The following FGF2 variants were observed in gnomAD, a reference collection of about 807,000 sequenced individuals.
FGF2 encodes the protein fibroblast growth factor 2.
FGF2 carries 13 observed loss-of-function variants against 15.9 expected under a neutral mutation model. That is an observed-to-expected ratio of 0.82 (90% confidence interval 0.53 to 1.30). The LOEUF is 1.30. Ranked by LOEUF, FGF2 falls within the 50% of genes most tolerant of loss-of-function variation. The pLI is 0.00. For synonymous variants in FGF2, 90 were observed against 78.4 expected, an observed-to-expected ratio of 1.15 and a Z score of -0.78; for missense variants, 163 against 196.9, an observed-to-expected ratio of 0.83 and a Z score of 1.03.
intron 1 of FGF2, among the ~76,000 whole-genome samples, chr4:122,858,141 T>C (rs913498663): frequency 6.6e-6 from 1 of 152,214 alleles, no homozygotes; most frequent in African/African-American, 2.4e-5. Flanking sequence ...GTGTCTAATG[T>C]TCTTATTTAT....
chr4:122,869,317 G>A (rs1726674509), intron 1 of FGF2, among the ~76,000 whole-genome samples: 1 of 152,098 alleles, frequency 6.6e-6, no homozygotes, highest in African/African-American at 2.4e-5. Flanking sequence ...TTGGCTATAC[G>A]GGGTCTTCTT....
Position 122,892,838 on chromosome 4 carries a change from C to T in FGF2, c.*442C>T. 1 of 1,597,312 alleles carries T rather than the reference C, an allele frequency of 6.3e-7. No homozygotes were observed. Among genetic ancestry groups the T allele is most frequent in the Non-Finnish European group, 8.5e-7 (1 of 1,170,042 alleles). ...CATATAAATGTGAATTTAATCAATT[C>T]CTTTCATAGTTTTATAATTCTCTGG... On this transcript the variant is annotated 3_prime_UTR_variant, in exon 3 of 3. Coordinates refer to ENST00000644866, the MANE Select transcript of FGF2 (RefSeq NM_001361665.2).
intron 1 of FGF2, among the ~76,000 whole-genome samples, chr4:122,853,793 A>G (rs1302496072): frequency 1.3e-5 from 2 of 152,242 alleles, no homozygotes; most frequent in African/African-American, 4.8e-5. Context: ...CTGGATGAAG[A>G]ATATAAGCAA....
At chr4:122,844,569 C>T (rs202177749) in intron 1 of FGF2, among the ~76,000 whole-genome samples, 2,197 of 128,512 alleles carry the variant, frequency 0.017, 56 homozygotes, top group Admixed American at 0.063. Flanking sequence ...TTCTTTCTTT[C>T]TTTTTCTTTC....
At chr4:122,842,362 T>C (rs1726006854) in intron 1 of FGF2, among the ~76,000 whole-genome samples, 1 of 152,236 alleles carries the variant, frequency 6.6e-6, no homozygotes, top group Non-Finnish European at 1.5e-5. Flanking sequence ...TGTCAGATTC[T>C]CAAAAGGTTA....
intron 1 of FGF2, among the ~76,000 whole-genome samples, chr4:122,854,976 G>A (rs911251822): frequency 6.6e-6 from 1 of 152,038 alleles, no homozygotes; most frequent in Non-Finnish European, 1.5e-5. Flanking sequence ...TTCCCCCAAA[G>A]CTCCTCCTCC....
intron 1 of FGF2, among the ~76,000 whole-genome samples, chr4:122,831,043 C>A (rs1027893310): frequency 6.6e-6 from 1 of 152,078 alleles, no homozygotes; most frequent in Admixed American, 6.6e-5. Context: ...CCATGCAACC[C>A]CAAGCATAAA....
chr4:122,861,457 G>A (rs1038671980), intron 1 of FGF2, among the ~76,000 whole-genome samples: 3 of 152,066 alleles, frequency 2.0e-5, no homozygotes, highest in African/African-American at 7.2e-5. Flanking sequence ...ACCTATTTCT[G>A]AACTATTTGC....
chr4:122,885,336 A>G (rs1330760207), intron 2 of FGF2, among the ~76,000 whole-genome samples: 2 of 152,254 alleles, frequency 1.3e-5, no homozygotes, highest in African/African-American at 4.8e-5. Context: ...GAATAGATGA[A>G]TATCTTCACA....
chr4:122,876,108 G>T (rs1034957443), intron 1 of FGF2, among the ~76,000 whole-genome samples: 1 of 152,070 alleles, frequency 6.6e-6, no homozygotes, highest in Non-Finnish European at 1.5e-5. Context: ...AACTCACAAG[G>T]CACTGGTGCC....
chr4:122,865,174 A>G (rs1726546549), intron 1 of FGF2, among the ~76,000 whole-genome samples: 1 of 152,228 alleles, frequency 6.6e-6, no homozygotes, highest in Non-Finnish European at 1.5e-5. Flanking sequence ...ATCTAATACA[A>G]ATATTTAAAG....
rs1343056085 is a variant in FGF2 at position 122,894,622 on chromosome 4, T to C, written c.*2226T>C. The C allele has an allele frequency of 1.3e-5, 2 of 151,718 alleles. No individual in the cohort carries two copies. Among genetic ancestry groups the C allele is most frequent in the Non-Finnish European group, 2.9e-5 (2 of 68,018 alleles). 9.4% of individuals were successfully genotyped at this position (151,718 alleles called of 1,614,324 possible). On this transcript the variant is annotated 3_prime_UTR_variant, in exon 3 of 3. Transcript: ENST00000644866. ...AAATTTTCCTTAATAAGAAAAGTAA[T>C]TTTTACTCTGATGTGCAATACATTT...
chr4:122,881,620 G>A (rs113201511), intron 2 of FGF2, among the ~76,000 whole-genome samples: 4,348 of 152,232 alleles, frequency 0.029, 86 homozygotes, highest in Non-Finnish European at 0.047. Context: ...TCCTCAGCCT[G>A]GATTTCATTG....
At chr4:122,871,906 G>A (rs1161588194) in intron 1 of FGF2, among the ~76,000 whole-genome samples, 1 of 15,208 alleles carries the variant, frequency 6.6e-5, no homozygotes, top group Non-Finnish European at 1.4e-4. Context: ...AACTCACAAA[G>A]ATGAGAAAGA....
At chr4:122,875,022 A>G (rs541435945) in intron 1 of FGF2, among the ~76,000 whole-genome samples, 82 of 152,288 alleles carry the variant, frequency 5.4e-4, no homozygotes, top group Non-Finnish European at 1.0e-3. Flanking sequence ...CAGAGTTCTG[A>G]GAAGTTTGGT....
chr4:122,885,055 T>C (rs1456487413), intron 2 of FGF2, among the ~76,000 whole-genome samples: 1 of 152,188 alleles, frequency 6.6e-6, no homozygotes. Flanking sequence ...TCCTCACAGA[T>C]GTCAAGTTTG....
At chr4:122,887,020 C>T (rs1359180749) in intron 2 of FGF2, among the ~76,000 whole-genome samples, 1 of 152,024 alleles carries the variant, frequency 6.6e-6, no homozygotes, top group Non-Finnish European at 1.5e-5. Context: ...CCATCTGTAT[C>T]AATATTAATA....
At chr4:122,868,312 A>G (rs1272891496) in intron 1 of FGF2, among the ~76,000 whole-genome samples, 2 of 151,300 alleles carry the variant, frequency 1.3e-5, no homozygotes, top group African/African-American at 2.4e-5. Context: ...GTTGTTCCCC[A>G]CTCTGTGTCC....
chr4:122,883,792 C>A (rs542543322), intron 2 of FGF2, among the ~76,000 whole-genome samples: 6 of 152,206 alleles, frequency 3.9e-5, no homozygotes, highest in South Asian at 2.1e-4. Context: ...TCATGATATA[C>A]CCTGAACAAA....
Sources: gnomAD v4.1 joint callset for allele counts (sites outside exome capture counted in the v4.1 genomes callset) on GRCh38, gnomAD v4.1.1 for gene constraint, MANE v1.5 for transcripts, NCBI Gene and HGNC (gene_info 2026-07-23, HGNC 2026-07-21) for gene names.